The following GNAS variants were observed in gnomAD, a reference collection of about 807,000 sequenced individuals.
GNAS encodes the protein GNAS complex locus, also known as protein ALEX.
Under a neutral mutation model 54.5 loss-of-function variants are expected in GNAS, and 8 were observed. The ratio of observed to expected loss-of-function variants is 0.15; its 90% CI spans 0.09 to 0.26. The LOEUF (loss-of-function observed/expected upper bound fraction) is 0.26. GNAS is among the 10% of genes least tolerant of loss of function. The probability of loss-of-function intolerance (pLI) is 1.00; values close to 1 mark genes in which losing one functional copy is unlikely to be tolerated. For missense variants in GNAS, 170 were observed against 529.8 expected (o/e 0.32, Z 6.67); for synonymous variants, 204 against 191.4 (o/e 1.07, Z -0.54).
At chr20:58,899,959 C>A in intron 3 of GNAS, 1 of 717,766 alleles carries the variant, frequency 1.4e-6, no homozygotes, top group South Asian at 1.5e-5. Flanking sequence ...AATATAATAT[C>A]CCTAGATGAT....
chr20:58,886,041 TAAGCAG>T (rs2088568237), intron 1 of GNAS, among the ~76,000 whole-genome samples: 1 of 152,188 alleles, frequency 6.6e-6, no homozygotes, highest in Admixed American at 6.5e-5. Flanking sequence ...GTGACAGCAT[TAAGCAG>T]AACAGTATTT....
upstream of GNAS, chr20:58,840,790 C>T: frequency 6.2e-7 from 1 of 1,611,928 alleles, no homozygotes; most frequent in Non-Finnish European, 8.5e-7. This position sits in a 1 kb window ranked among gnomAD's most constrained non-coding sequence, Gnocchi z 6.0. Context: ...CCCGCCGTGA[C>T]GCGTCCCCGG....
chr20:58,889,279 G>A, upstream of GNAS: 6 of 1,004,592 alleles, frequency 6.0e-6, no homozygotes, highest in Non-Finnish European at 7.1e-6. Context: ...GCTGGAGCGA[G>A]CCCCTGTCCC....
chr20:58,895,395 G>T (rs2089951194), intron 1 of GNAS: 1 of 556,520 alleles, frequency 1.8e-6, no homozygotes, highest in African/African-American at 1.9e-5. Context: ...ATTCTTGTTT[G>T]TTATTTGGAT....
At chr20:58,881,882 A>AT (rs2088245588) in intron 1 of GNAS, 1 of 152,126 alleles carries the variant, frequency 6.6e-6, no homozygotes, top group Non-Finnish European at 1.5e-5. Flanking sequence ...AATAATACCA[A>AT]TTTTGGTGAC....
At chr20:58,864,975 A>T (rs2086970590) in intron 1 of GNAS, among the ~76,000 whole-genome samples, 1 of 147,718 alleles carries the variant, frequency 6.8e-6, no homozygotes, top group Non-Finnish European at 1.5e-5. Flanking sequence ...ACGCACGCAC[A>T]CTCTCTCTCT....
intron 1 of GNAS, among the ~76,000 whole-genome samples, chr20:58,883,840 T>C (rs2088411567): frequency 6.6e-6 from 1 of 152,196 alleles, no homozygotes; most frequent in Non-Finnish European, 1.5e-5. Flanking sequence ...TTGGGAGCTG[T>C]GCAGACTGTG....
chr20:58,883,484 T>C (rs2088384934), intron 1 of GNAS, among the ~76,000 whole-genome samples: 1 of 152,168 alleles, frequency 6.6e-6, no homozygotes, highest in African/African-American at 2.4e-5. Context: ...ATAAAAAATC[T>C]CCTTTTCATC....
At chr20:58,887,097 A>AAAT (rs2088642489), upstream of GNAS, among the ~76,000 whole-genome samples, 1 of 152,222 alleles carries the variant, frequency 6.6e-6, no homozygotes, top group Non-Finnish European at 1.5e-5. Context: ...ATGTTTATCT[A>AAAT]AAAGGGGAAG....
Position 58,871,979 on chromosome 20 carries a change from C to T in GNAS, c.44-23633C>T, listed in dbSNP as rs374772634. On this transcript the variant is annotated intron_variant, in intron 1 of 12. Coordinates refer to the GNAS transcript ENST00000306090. Reference sequence around the variant, plus strand: ...AGGCTGGCTAGACCGGACAGGAGTACGGGGAGGAGAGGCAGGTTCACAATC... The same window carrying T: ...AGGCTGGCTAGACCGGACAGGAGTATGGGGAGGAGAGGCAGGTTCACAATC... Among the ~76,000 whole-genome samples, 14 of 152,160 alleles carry T rather than the reference C, an allele frequency of 9.2e-5. No homozygotes were observed. The South Asian group carries it at 2.3e-3, about 25-fold the overall frequency.
Position 58,891,558 on chromosome 20 carries a change from C to T in GNAS, c.-169C>T. ...ACCCTCCCCTTCCCGCCCGTCCGCG[C>T]GCCCCGCGGCCCGCGGCCCGCAGTC... On this transcript the variant is annotated 5_prime_UTR_variant, in exon 1 of 13. Transcript: ENST00000371085. The T allele has an allele frequency of 1.0e-6, 1 of 972,172 alleles. No homozygotes were observed. Among genetic ancestry groups the T allele is most frequent in the Non-Finnish European group, 1.2e-6 (1 of 821,730 alleles). 60.2% of individuals were successfully genotyped at this position (972,172 alleles called of 1,614,324 possible).
chr20:58,840,112 T>C (rs2085660791), upstream of GNAS: 1 of 1,609,642 alleles, frequency 6.2e-7, no homozygotes, highest in Non-Finnish European at 8.5e-7. The surrounding 1 kb of genome is among the most constrained non-coding windows in gnomAD (Gnocchi z 6.0). Flanking sequence ...AGAGGATGGA[T>C]CGGAGGTCCC....
intron 1 of GNAS, among the ~76,000 whole-genome samples, chr20:58,846,360 A>G (rs1479322271): frequency 6.6e-6 from 1 of 152,220 alleles, no homozygotes; most frequent in Non-Finnish European, 1.5e-5. Flanking sequence ...CATTTTTAAA[A>G]GCCAAATATG....
At position 58,853,560 on chromosome 20, in the gene GNAS, G is replaced by A. The variant is rs1338703136; in HGVS notation, c.43+12674G>A. 1 of 1,613,336 alleles carries A rather than the reference G, an allele frequency of 6.2e-7. No individual in the cohort carries two copies. ...CCATGGAAGCTACAGCCCACCTCCT[G>A]AGGAAGCAATGCCCTTCGAGGCTGA... On this transcript the variant is annotated intron_variant, in intron 1 of 12. Transcript: ENST00000306090. The surrounding 1 kb of genome is among the most constrained non-coding windows in gnomAD (Gnocchi z 4.4).
upstream of GNAS, among the ~76,000 whole-genome samples, chr20:58,890,151 GAGGAGA>G (rs1286721189): frequency 6.6e-6 from 1 of 151,866 alleles, no homozygotes. Flanking sequence ...GAGGCGAAAG[GAGGAGA>G]AGAAGAAGGA....
At chr20:58,899,525 A>G (rs751578912) in intron 3 of GNAS, 1 of 542,846 alleles carries the variant, frequency 1.8e-6, no homozygotes, top group South Asian at 1.4e-5. Context: ...AAAAATGATC[A>G]AATTTATTTG....
chr20:58,901,716 A>G (rs1056859058), intron 3 of GNAS, among the ~76,000 whole-genome samples: 22 of 152,194 alleles, frequency 1.4e-4, no homozygotes, highest in Non-Finnish European at 2.4e-4. Flanking sequence ...GTGAAGGCCC[A>G]GAAGTACACA....
chr20:58,840,409 A>G (rs1473205048), upstream of GNAS: 2 of 1,613,484 alleles, frequency 1.2e-6, no homozygotes, highest in South Asian at 2.2e-5. This position sits in a 1 kb window ranked among gnomAD's most constrained non-coding sequence, Gnocchi z 6.0. Context: ...CCGAGTGCCT[A>G]GAGTACGAGG....
intron 1 of GNAS, among the ~76,000 whole-genome samples, chr20:58,848,526 T>A (rs182906216): frequency 7.2e-5 from 11 of 152,350 alleles, no homozygotes; most frequent in African/African-American, 2.4e-4. Context: ...TTTGCTATTA[T>A]ACAATTATAA....
Sources: gnomAD v4.1 joint callset for allele counts (sites outside exome capture counted in the v4.1 genomes callset) on GRCh38, gnomAD v4.1.1 for gene constraint, Gnocchi (gnomAD v3.1) non-coding constraint, MANE v1.5 for transcripts, NCBI Gene and HGNC (gene_info 2026-07-23, HGNC 2026-07-21) for gene names.